The following KIF26B variants were observed in gnomAD, a reference collection of about 807,000 sequenced individuals.
KIF26B encodes the protein kinesin family member 26B, also known as kinesin-like protein KIF26B.
In KIF26B, 63 loss-of-function variants were observed where a neutral mutation model predicts 151.2. The ratio of observed to expected loss-of-function variants is 0.42; its 90% CI spans 0.34 to 0.51. KIF26B has a LOEUF of 0.51. Ranked by LOEUF, KIF26B falls within the 20% of genes least tolerant of loss-of-function variation. The pLI is 0.07. For missense variants in KIF26B, 2,813 were observed against 2,913.6 expected (o/e 0.97, Z 0.79); for synonymous variants, 1,357 against 1,262.1 (o/e 1.08, Z -1.59).
At chr1:245,552,149 G>A (rs1244142462) in intron 5 of KIF26B, among the ~76,000 whole-genome samples, 7 of 151,256 alleles carry the variant, frequency 4.6e-5, no homozygotes, top group Non-Finnish European at 7.4e-5. Context: ...GTGTGTGTGT[G>A]TGTGTGTGTG....
intron 4 of KIF26B, among the ~76,000 whole-genome samples, chr1:245,420,381 G>C (rs1484216290): frequency 2.0e-5 from 3 of 152,230 alleles, no homozygotes; most frequent in Non-Finnish European, 4.4e-5. Context: ...AGCAGGAAAG[G>C]ACTTCAGGGA....
intron 4 of KIF26B, among the ~76,000 whole-genome samples, chr1:245,462,079 T>C (rs1285987619): frequency 6.6e-6 from 1 of 152,000 alleles, no homozygotes; most frequent in African/African-American, 2.4e-5. Context: ...GCTATGATTG[T>C]ACCACTGCAC....
chr1:245,468,741 T>C (rs368535344), intron 4 of KIF26B, among the ~76,000 whole-genome samples: 39 of 152,316 alleles, frequency 2.6e-4, no homozygotes, highest in East Asian at 2.5e-3. Flanking sequence ...GACATTTCTC[T>C]TTATTATAAA....
At chr1:245,222,308 G>C (rs1361785448) in intron 2 of KIF26B, among the ~76,000 whole-genome samples, 1 of 152,122 alleles carries the variant, frequency 6.6e-6, no homozygotes, top group East Asian at 1.9e-4. Context: ...GTGGTGGTGG[G>C]TGTCTGTAAT....
intron 2 of KIF26B, among the ~76,000 whole-genome samples, chr1:245,258,880 G>A (rs769713309): frequency 2.6e-5 from 4 of 152,164 alleles, no homozygotes; most frequent in Admixed American, 6.5e-5. Flanking sequence ...TCTCCGCTCC[G>A]GTTTTCCCAT....
chr1:245,539,799 TGC>T (rs1491211515), intron 4 of KIF26B, among the ~76,000 whole-genome samples: 1 of 152,070 alleles, frequency 6.6e-6, no homozygotes, highest in Non-Finnish European at 1.5e-5. Flanking sequence ...ATTACAGGCA[TGC>T]ACCACCACAC....
In KIF26B at chr1:245,646,190, G is replaced by A. The variant is rs760299158; in HGVS notation, c.2168G>A (p.Arg723Gln). 18 of 1,613,830 alleles carry A rather than the reference G, an allele frequency of 1.1e-5. No homozygotes were observed. Among genetic ancestry groups the A allele is most frequent in the South Asian group, 3.3e-5 (3 of 91,072 alleles). ...TGTGTGAAAGCTCTTAGCAAAAATC[G>A]AGAAGGAGGCTCAGGGCTGTGTCTC... Reference protein sequence around the residue: ...GSCVKALSKNREGGSGLCLSL... With the variant: ...GSCVKALSKNQEGGSGLCLSL... The change falls in exon 10 of 15, where the codon CGA becomes CAA. Residue 723 changes from arginine to glutamine, a missense_variant. Physicochemically the swap from Arg to Gln is conservative, Grantham distance 43 (BLOSUM62 1). This residue lies in a region of KIF26B where 2,060 missense variants were observed against 2,088.6 expected (regional missense o/e 0.99). Coordinates refer to ENST00000407071, the MANE Select transcript of KIF26B (RefSeq NM_018012.4).
chr1:245,442,296 A>G (rs1318899102), intron 4 of KIF26B, among the ~76,000 whole-genome samples: 2 of 152,040 alleles, frequency 1.3e-5, no homozygotes, highest in Non-Finnish European at 2.9e-5. Context: ...GTACGTGTGA[A>G]ATCTTGTGCA....
intron 2 of KIF26B, among the ~76,000 whole-genome samples, chr1:245,247,045 G>A (rs1317724769): frequency 6.6e-6 from 1 of 152,152 alleles, no homozygotes; most frequent in African/African-American, 2.4e-5. Context: ...GTGCAGAGGG[G>A]CCAGAGGGTA....
At chr1:245,510,101 C>T (rs1369307902) in intron 4 of KIF26B, among the ~76,000 whole-genome samples, 5 of 152,160 alleles carry the variant, frequency 3.3e-5, no homozygotes, top group African/African-American at 4.8e-5. Flanking sequence ...CTACCTTCTT[C>T]TCTTTTGGGG....
At chr1:245,415,179 G>A (rs564466458) in intron 3 of KIF26B, among the ~76,000 whole-genome samples, 1 of 152,274 alleles carries the variant, frequency 6.6e-6, no homozygotes, top group South Asian at 2.1e-4. Flanking sequence ...GTTAATGACT[G>A]TTTAATTGTC....
In KIF26B at chr1:245,167,456, T is replaced by C. The variant is rs1420454756; in HGVS notation, c.465+10773T>C. 6.6e-6 allele frequency among the ~76,000 whole-genome samples: 1 copy of C among 152,172 alleles called. No homozygotes were observed. The highest frequency in any genetic ancestry group is 1.5e-5 in the Non-Finnish European group (1 of 68,024). On this transcript the variant is annotated intron_variant, in intron 2 of 14. Transcript: ENST00000407071. This position sits in a 1 kb window ranked among gnomAD's most constrained non-coding sequence, Gnocchi z 4.2. The stretch of plus-strand genomic sequence containing the variant: ...AACTCTATCATCGTATTTAGAGTGG[T>C]TGCTTTCTTTGGGGTTATAATCACT...
At chr1:245,347,311 T>G (rs1467412067) in intron 2 of KIF26B, among the ~76,000 whole-genome samples, 1 of 152,130 alleles carries the variant, frequency 6.6e-6, no homozygotes, top group East Asian at 1.9e-4. Flanking sequence ...TTTTCTTTCT[T>G]TCTTTCTTTC....
intron 2 of KIF26B, among the ~76,000 whole-genome samples, chr1:245,209,363 T>C (rs1198434754): frequency 6.6e-6 from 1 of 151,446 alleles, no homozygotes; most frequent in Admixed American, 6.6e-5. Flanking sequence ...ATCATGCCAC[T>C]GCACTCCAGC....
intron 5 of KIF26B, among the ~76,000 whole-genome samples, chr1:245,590,072 A>T (rs1391043006): frequency 6.6e-6 from 1 of 150,648 alleles, no homozygotes; most frequent in African/African-American, 2.5e-5. Flanking sequence ...AGCTTTACTC[A>T]TGTGGGCCCT....
intron 3 of KIF26B, among the ~76,000 whole-genome samples, chr1:245,416,005 G>A (rs1674407112): frequency 1.3e-5 from 2 of 151,382 alleles, no homozygotes; most frequent in African/African-American, 2.4e-5. Context: ...GGTGGCTCAC[G>A]CCTGTAATCC....
At position 245,686,805 on chromosome 1, in the gene KIF26B, A is replaced by T; in HGVS notation, c.3822A>T (p.Arg1274Ser). The T allele has an allele frequency of 6.2e-7, 1 of 1,613,514 alleles. No individual in the cohort carries two copies. Among genetic ancestry groups the T allele is most frequent in the African/African-American group, 1.3e-5 (1 of 75,038 alleles). ...AGAAGGCCCAGGACGCAGGGAGCAG[A>T]CGCTCTTCCATCAGCTCCTGGCTGA... ...LDEKAQDAGS[R>S]RSSISSWLSE... is the part of the protein sequence containing the mutation. Residue 1274 changes from arginine (R) to serine (S), a missense_variant, in exon 12 of 15, where the codon AGA becomes AGT. Coordinates refer to ENST00000407071, the MANE Select transcript of KIF26B (RefSeq NM_018012.4). The surrounding 1 kb of genome is among the most constrained non-coding windows in gnomAD (Gnocchi z 5.6).
chr1:245,403,398 T>G (rs1160450006), intron 3 of KIF26B, among the ~76,000 whole-genome samples: 1 of 152,244 alleles, frequency 6.6e-6, no homozygotes, highest in Non-Finnish European at 1.5e-5. Flanking sequence ...ATTTCCTCAG[T>G]GGGCATGTTT....
intron 5 of KIF26B, among the ~76,000 whole-genome samples, chr1:245,556,777 G>A (rs1662049342): frequency 6.6e-6 from 1 of 152,156 alleles, no homozygotes; most frequent in Admixed American, 6.5e-5. Flanking sequence ...GGGCTTAAGT[G>A]ATCCTCCCAC....
Sources: allele counts gnomAD v4.1 joint callset (sites outside exome capture counted in the v4.1 genomes callset), GRCh38; gene constraint gnomAD v4.1.1; regional missense constraint gnomAD v4.1.1; non-coding constraint Gnocchi (gnomAD v3.1); transcripts MANE v1.5; gene names NCBI Gene and HGNC (gene_info 2026-07-23, HGNC 2026-07-21).